GEM: variants seen among roughly 807,000 people sequenced by gnomAD.
The protein encoded by GEM is GTP binding protein overexpressed in skeletal muscle.
Under a neutral mutation model 33.0 loss-of-function variants are expected in GEM, and 31 were observed. The ratio of observed to expected loss-of-function variants is 0.94; its 90% CI spans 0.71 to 1.27. The LOEUF (loss-of-function observed/expected upper bound fraction) is 1.27, where lower values mean the gene tolerates loss of function less well. GEM is among the 50% of genes most tolerant of loss of function. The pLI is 0.00. For missense variants in GEM, 354 were observed against 390.5 expected, an observed-to-expected ratio of 0.91 and a Z score of 0.79; for synonymous variants, 141 against 143.7, an observed-to-expected ratio of 0.98 and a Z score of 0.13.
chr8:94,252,073 T>G lies in GEM; in HGVS notation c.559A>C (p.Ile187Leu), dbSNP rs1171364667. 3 of 1,614,170 alleles carry G rather than the reference T, an allele frequency of 1.9e-6. No individual in the cohort carries two copies. Among genetic ancestry groups the G allele is most frequent in the Admixed American group, 3.3e-5 (2 of 60,016 alleles). Residue 187 changes from isoleucine to leucine, a missense_variant, in exon 4 of 5, where the codon ATT (isoleucine) becomes CTT (leucine). Ile to Leu is a conservative substitution (Grantham distance 5, BLOSUM62 2). Coordinates refer to ENST00000297596, the MANE Select transcript of GEM (RefSeq NM_005261.4). ...AAGTCACTTTTGTTGCCAACCAAAA[T>G]TATGGGAATGTCCTCTGTCTGCCGG... ...RARQTEDIPI[I>L]LVGNKSDLVR...
intron 2 of GEM, among the ~76,000 whole-genome samples, chr8:94,256,459 C>T (rs895817081): frequency 1.3e-5 from 2 of 152,182 alleles, no homozygotes; most frequent in East Asian, 1.9e-4. Flanking sequence ...AGTGAGGCCC[C>T]TTCTGCCCAA....
At chr8:94,261,860 C>T (rs1809030248) in intron 1 of GEM, among the ~76,000 whole-genome samples, 1 of 152,170 alleles carries the variant, frequency 6.6e-6, no homozygotes, top group African/African-American at 2.4e-5. Context: ...CCCCACACTC[C>T]GTACCCCAAC....
chr8:94,249,510 A>G lies in GEM; in HGVS notation c.*800T>C, dbSNP rs757234360. Reference sequence around the variant, plus strand: ...TATAAAAATTCAGACTTCTGATTATACATTAAAAATTGACATTTTGCACTA... The same window carrying G: ...TATAAAAATTCAGACTTCTGATTATGCATTAAAAATTGACATTTTGCACTA... On this transcript the variant is annotated 3_prime_UTR_variant, in exon 5 of 5. Transcript: ENST00000297596. 1.7e-4 allele frequency: 26 copies of G among 152,236 alleles called. No homozygotes were observed. Among genetic ancestry groups the G allele is most frequent in the Non-Finnish European group, 2.6e-4 (18 of 68,036 alleles). The allele number at this position is 152,236 out of a possible 1,614,324, so 9.4% of individuals were successfully genotyped here.
Position 94,262,174 on chromosome 8 carries a change from T to C in GEM, c.-94A>G, listed in dbSNP as rs1328236252. The C allele has an allele frequency of 6.6e-6, 1 of 152,168 alleles. No individual in the cohort carries two copies. Among genetic ancestry groups the C allele is most frequent in the Non-Finnish European group, 1.5e-5 (1 of 68,040 alleles). The allele number at this position is 152,168 out of a possible 1,614,324, so 9.4% of individuals were successfully genotyped here. ...TGCGGGCTGGGAAACTCCCACTCTC[T>C]CCCTTCTCCGTCTCGGGCCGTCCCC... On this transcript the variant is annotated 5_prime_UTR_variant, in exon 1 of 5. Coordinates refer to ENST00000297596, the MANE Select transcript of GEM (RefSeq NM_005261.4).
rs1392632489 is a variant in GEM at position 94,252,296 on chromosome 8, A to G, written c.409-73T>C. The G allele has an allele frequency of 2.6e-4, 264 of 1,013,892 alleles. 4 individuals are homozygous for G. In the South Asian group the frequency reaches 3.3e-3, roughly 13 times the overall value. 62.8% of individuals were successfully genotyped at this position (1,013,892 alleles called of 1,614,324 possible). On this transcript the variant is annotated intron_variant, in intron 3 of 4. Coordinates refer to ENST00000297596, the MANE Select transcript of GEM (RefSeq NM_005261.4). ...TAAAGCATCAGTTTGCAAAGAAACAATATGTGTATCCTAAAGTACACTTGC... is the reference window on the plus strand; with the variant it reads ...TAAAGCATCAGTTTGCAAAGAAACAGTATGTGTATCCTAAAGTACACTTGC...
rs1238696908 is a variant in GEM at position 94,257,151 on chromosome 8, ATTTAT to A, written c.331+3017_331+3021del. Among the ~76,000 whole-genome samples, 13 of 151,488 alleles carry A rather than the reference ATTTAT, an allele frequency of 8.6e-5. No homozygotes were observed. The East Asian group carries it at 2.1e-3, about 25-fold the overall frequency. ...CTTCCATGAAGCTTTTATTTATTTT[ATTTAT>A]TTTATTTTATTTTTATTTTTATTTT... On this transcript the variant is annotated intron_variant, in intron 2 of 4. Transcript: ENST00000297596.
At chr8:94,250,975 C>A (rs1808758225) in intron 4 of GEM, among the ~76,000 whole-genome samples, 1 of 152,120 alleles carries the variant, frequency 6.6e-6, no homozygotes, top group South Asian at 2.1e-4. Context: ...ACATTATTAT[C>A]CCTGTCAAAT....
At chr8:94,252,664 C>T (rs191663884) in intron 3 of GEM, among the ~76,000 whole-genome samples, 1 of 152,274 alleles carries the variant, frequency 6.6e-6, no homozygotes, top group African/African-American at 2.4e-5. Flanking sequence ...GGTTCTGAAG[C>T]TTTTTAAAAT....
intron 1 of GEM, 135 bp from the exon 2 acceptor site, chr8:94,260,647 T>A (rs1486499597): frequency 1.6e-6 from 1 of 607,512 alleles, no homozygotes; most frequent in African/African-American, 1.8e-5. Flanking sequence ...AGACCACCAA[T>A]TAAACAGTCC....
intron 4 of GEM, among the ~76,000 whole-genome samples, 191 bp from the exon 5 acceptor site, chr8:94,250,778 G>A (rs1435890765): frequency 6.6e-6 from 1 of 152,232 alleles, no homozygotes; most frequent in Non-Finnish European, 1.5e-5. Context: ...GGAAGTAAGG[G>A]AGATGGGCTT....
chr8:94,258,915 T>C (rs1808955819), intron 2 of GEM, among the ~76,000 whole-genome samples: 1 of 152,104 alleles, frequency 6.6e-6, no homozygotes, highest in African/African-American at 2.4e-5. Context: ...CAGCAGCAAA[T>C]ATAAGGCACC....
intron 2 of GEM, among the ~76,000 whole-genome samples, chr8:94,256,289 C>T (rs1296553287): frequency 6.6e-6 from 1 of 152,056 alleles, no homozygotes; most frequent in Non-Finnish European, 1.5e-5. Flanking sequence ...ATCCTCTGAC[C>T]CCCTCCCACC....
Position 94,260,234 on chromosome 8 carries a change from A to C in GEM, c.270T>G (p.Thr90=), listed in dbSNP as rs780616166. 5 of 1,613,168 alleles carry C rather than the reference A, an allele frequency of 3.1e-6. No homozygotes were observed. Among genetic ancestry groups the C allele is most frequent in the Non-Finnish European group, 4.2e-6 (5 of 1,179,162 alleles). ...GCACACCTGCAAAGATGTTGGCCAGAGTGGACTTGCCCACCCCCTGCTCCC... is the reference window on the plus strand; with the variant it reads ...GCACACCTGCAAAGATGTTGGCCAGCGTGGACTTGCCCACCCCCTGCTCCC... The part of the protein sequence containing the change: ...LIGEQGVGKS[T]LANIFAGVHD... Residue 90 remains threonine (T), a synonymous_variant, in exon 2 of 5, where the codon ACT becomes ACG. Coordinates refer to ENST00000297596, the MANE Select transcript of GEM (RefSeq NM_005261.4).
At chr8:94,257,338 G>A (rs551377103) in intron 2 of GEM, among the ~76,000 whole-genome samples, 16 of 151,884 alleles carry the variant, frequency 1.1e-4, no homozygotes, top group African/African-American at 2.9e-4. Flanking sequence ...ATGCCACCAC[G>A]CCCGGCTAAT....
intron 2 of GEM, 181 bp downstream of exon 2, chr8:94,259,991 AT>A (rs1808979252): frequency 3.7e-6 from 2 of 543,868 alleles, no homozygotes; most frequent in Non-Finnish European, 6.6e-6. Flanking sequence ...GTCTACAAGC[AT>A]TTTCATTTTC....
At chr8:94,260,763 C>T (rs147772121) in intron 1 of GEM, 277 of 419,960 alleles carry the variant, frequency 6.6e-4, no homozygotes, top group African/African-American at 4.8e-3. Context: ...AAAACAAATA[C>T]GGTTAACATC....
chr8:94,251,904 G>C, intron 4 of GEM, 115 bp downstream of exon 4: 4 of 760,990 alleles, frequency 5.3e-6, no homozygotes, highest in Middle Eastern at 2.4e-4. Flanking sequence ...ATTTCATATA[G>C]CATCTTAATG....
chr8:94,261,507 G>C (rs1809022421), intron 1 of GEM, among the ~76,000 whole-genome samples: 1 of 152,048 alleles, frequency 6.6e-6, no homozygotes, highest in Non-Finnish European at 1.5e-5. Flanking sequence ...GCACTACCAC[G>C]TCCACTAGTT....
chr8:94,251,443 G>A (rs1345862632), intron 4 of GEM, among the ~76,000 whole-genome samples: 1 of 89,522 alleles, frequency 1.1e-5, no homozygotes, highest in Non-Finnish European at 2.7e-5. Context: ...TTTTATAATT[G>A]TACCAGGATC....
Sources: gnomAD v4.1 joint callset for allele counts (sites outside exome capture counted in the v4.1 genomes callset) on GRCh38, gnomAD v4.1.1 for gene constraint, MANE v1.5 for transcripts, NCBI Gene and HGNC (gene_info 2026-07-23, HGNC 2026-07-21) for gene names.